SLC22A24: variants seen among roughly 807,000 people sequenced by gnomAD.
SLC22A24 encodes the protein solute carrier family 22 member 24, also known as steroid transmembrane transporter SLC22A24.
Under a neutral mutation model 49.8 loss-of-function variants are expected in SLC22A24, and 53 were observed. The ratio of observed to expected loss-of-function variants is 1.06; its 90% CI spans 0.85 to 1.34. The LOEUF (loss-of-function observed/expected upper bound fraction) is 1.34, where lower values mean the gene tolerates loss of function less well. Ranked by LOEUF, SLC22A24 falls within the 40% of genes most tolerant of loss-of-function variation. The probability of loss-of-function intolerance (pLI) is 0.00; values close to 1 mark genes in which losing one functional copy is unlikely to be tolerated. For missense variants in SLC22A24, 786 were observed against 675.9 expected, an observed-to-expected ratio of 1.16 and a Z score of -1.81; for synonymous variants, 302 against 256.4, an observed-to-expected ratio of 1.18 and a Z score of -1.70.
At chr11:63,094,522 T>C (rs1380748340) in intron 6 of SLC22A24, among the ~76,000 whole-genome samples, 1 of 152,172 alleles carries the variant, frequency 6.6e-6, no homozygotes, top group Non-Finnish European at 1.5e-5. Context: ...GGTCGACTGG[T>C]ATTTCTAGTT....
In SLC22A24 at chr11:63,106,548, G is replaced by A. The variant is rs550915797; in HGVS notation, c.831-2250C>T. ...GGTTGTCACTAGTTTTCCACTAACAGTGTAAAAGTGTTCCTATTTCTCCAC... is the reference window on the plus strand; with the variant it reads ...GGTTGTCACTAGTTTTCCACTAACAATGTAAAAGTGTTCCTATTTCTCCAC... On this transcript the variant is annotated intron_variant, in intron 4 of 9. Coordinates refer to ENST00000612278, the MANE Select transcript of SLC22A24 (RefSeq NM_001136506.2). 1.1e-4 allele frequency among the ~76,000 whole-genome samples: 17 copies of A among 152,242 alleles called. No individual in the cohort carries two copies. The South Asian group carries it at 3.5e-3, about 32-fold the overall frequency.
chr11:63,137,398 AG>A (rs2087383099), intron 1 of SLC22A24, among the ~76,000 whole-genome samples: 1 of 152,160 alleles, frequency 6.6e-6, no homozygotes, highest in African/African-American at 2.4e-5. Context: ...GCCCTACCTC[AG>A]AGAACCTTCC....
chr11:63,080,151 G>A (rs1213658119), intron 9 of SLC22A24, among the ~76,000 whole-genome samples, 151 bp from the exon 10 acceptor site: 2 of 152,120 alleles, frequency 1.3e-5, no homozygotes, highest in African/African-American at 4.8e-5. Context: ...TGATACTATT[G>A]TGTTGGAAAA....
At chr11:63,135,686 A>G (rs945390205) in intron 1 of SLC22A24, among the ~76,000 whole-genome samples, 1 of 152,116 alleles carries the variant, frequency 6.6e-6, no homozygotes, top group African/African-American at 2.4e-5. Context: ...TTTTATGTTT[A>G]TTTTTGACTA....
At chr11:63,143,289 G>A (rs991156835) in intron 1 of SLC22A24, 89 bp downstream of exon 1, 1 of 1,168,088 alleles carries the variant, frequency 8.6e-7, no homozygotes. Context: ...TCCCATCTAA[G>A]GACTAAAGGT....
chr11:63,118,249 C>T (rs1424677942), intron 4 of SLC22A24, among the ~76,000 whole-genome samples: 1 of 151,862 alleles, frequency 6.6e-6, no homozygotes, highest in Non-Finnish European at 1.5e-5. Flanking sequence ...TGCAGCATAG[C>T]TGGAGAGTAG....
intron 5 of SLC22A24, among the ~76,000 whole-genome samples, chr11:63,097,072 C>T (rs1021626280): frequency 1.1e-4 from 17 of 151,696 alleles, no homozygotes; most frequent in African/African-American, 3.9e-4. Context: ...ACATAGAGCT[C>T]CAGTAAGTAA....
Position 63,118,904 on chromosome 11 carries a change from G to C in SLC22A24, c.830+8C>G. On this transcript the variant is annotated splice_region_variant and intron_variant, in intron 4 of 9. Transcript: ENST00000612278. ...CTTACAGGCAAAGAATGTGGAGATT[G>C]TTCATACCAAGAGGACAAGAAGAGG... 1.3e-6 allele frequency: 2 copies of C among 1,551,976 alleles called. No individual in the cohort carries two copies. The highest frequency in any genetic ancestry group is 8.7e-7 in the Non-Finnish European group (1 of 1,146,996).
intron 4 of SLC22A24, among the ~76,000 whole-genome samples, chr11:63,117,997 G>C (rs1313542514): frequency 6.6e-6 from 1 of 151,932 alleles, no homozygotes; most frequent in Non-Finnish European, 1.5e-5. Context: ...ACTTCAGACA[G>C]CTGTGACCTC....
rs149422733 is a variant in SLC22A24 at position 63,136,169 on chromosome 11, A to G, written c.403-1401T>C. Among the ~76,000 whole-genome samples, 186 of 152,334 alleles carry G rather than the reference A, an allele frequency of 1.2e-3. 3 individuals carry two copies. In the East Asian group the frequency reaches 0.031, roughly 25 times the overall value. ...ATGTGTGATGAAAAGTAGATTTTAT[A>G]TGACAACTGGCAATGAACAGCTCAG... On this transcript the variant is annotated intron_variant, in intron 1 of 9. Transcript: ENST00000612278.
intron 2 of SLC22A24, among the ~76,000 whole-genome samples, chr11:63,134,381 G>A (rs1179203659): frequency 6.6e-6 from 1 of 152,100 alleles, no homozygotes; most frequent in Admixed American, 6.5e-5. Context: ...CTCAAATCCT[G>A]TAATCTACTC....
At position 63,101,235 on chromosome 11, in the gene SLC22A24, C is replaced by T. The variant is rs774570093; in HGVS notation, c.954+2940G>A. Reference sequence around the variant, plus strand: ...GGAATGTAAATTAGTACAATCACTACGGCAAATATTTTGGAGGTTACTCAA... The same window carrying T: ...GGAATGTAAATTAGTACAATCACTATGGCAAATATTTTGGAGGTTACTCAA... On this transcript the variant is annotated intron_variant, in intron 5 of 9. Transcript: ENST00000612278. Among the ~76,000 whole-genome samples the T allele has an allele frequency of 3.0e-4, 45 of 151,740 alleles. 1 individual carries two copies. The highest frequency in any genetic ancestry group is 4.0e-4 in the Non-Finnish European group (27 of 67,884).
At position 63,104,225 on chromosome 11, in the gene SLC22A24, C is replaced by CTCT; in HGVS notation, c.901_903dup (p.Arg301dup). On this transcript the variant is annotated inframe_insertion, in exon 5 of 10. Coordinates refer to ENST00000612278, the MANE Select transcript of SLC22A24 (RefSeq NM_001136506.2). ...TTCTTTTTTCCATTTATGTGTGCAA[C>CTCT]TCTTCTAAGCTCCTTTAAGCCCTCA... 6.4e-7 allele frequency: 1 copy of CTCT among 1,550,732 alleles called. No individual in the cohort carries two copies. Among genetic ancestry groups the CTCT allele is most frequent in the South Asian group, 1.2e-5 (1 of 84,050 alleles).
chr11:63,095,159 TA>T (rs2087045937), intron 6 of SLC22A24, among the ~76,000 whole-genome samples: 1 of 152,224 alleles, frequency 6.6e-6, no homozygotes, highest in East Asian at 1.9e-4. Context: ...AATTTTTGTG[TA>T]AGGTGTAAGG....
At chr11:63,105,042 C>G (rs1033282381) in intron 4 of SLC22A24, among the ~76,000 whole-genome samples, 17 of 152,196 alleles carry the variant, frequency 1.1e-4, no homozygotes, top group Non-Finnish European at 2.9e-5. Flanking sequence ...AGGCCCCATG[C>G]AAGTTCAAAA....
chr11:63,084,525 T>C (rs1045590406), intron 6 of SLC22A24, among the ~76,000 whole-genome samples: 1 of 151,988 alleles, frequency 6.6e-6, no homozygotes, highest in Non-Finnish European at 1.5e-5. Flanking sequence ...CAGAGGAAAA[T>C]GCATTTCTTG....
intron 4 of SLC22A24, 143 bp from the exon 5 acceptor site, chr11:63,104,441 G>T (rs1159002341): frequency 3.8e-6 from 3 of 791,640 alleles, no homozygotes; most frequent in Non-Finnish European, 5.8e-6. Flanking sequence ...GGCCTCCTCT[G>T]CTGGACTCCT....
chr11:63,114,921 C>T (rs1453447622), intron 4 of SLC22A24, among the ~76,000 whole-genome samples: 1 of 152,174 alleles, frequency 6.6e-6, no homozygotes, highest in East Asian at 1.9e-4. Context: ...GCTGCCTAAT[C>T]CTTCCTCTGG....
chr11:63,126,233 C>T (rs190048459), intron 2 of SLC22A24, among the ~76,000 whole-genome samples: 61 of 152,240 alleles, frequency 4.0e-4, no homozygotes, highest in Non-Finnish European at 1.9e-4. Context: ...AGTCTTTGCC[C>T]ATGCCTATGA....
Sources: gnomAD v4.1 joint callset for allele counts (sites outside exome capture counted in the v4.1 genomes callset) on GRCh38, gnomAD v4.1.1 for gene constraint, MANE v1.5 for transcripts, NCBI Gene and HGNC (gene_info 2026-07-23, HGNC 2026-07-21) for gene names.